FNDC3B: variants seen among roughly 807,000 people sequenced by gnomAD.
FNDC3B encodes the protein fibronectin type III domain containing 3B.
Under a neutral mutation model 151.5 loss-of-function variants are expected in FNDC3B, and 12 were observed. That is an observed-to-expected ratio of 0.08 (90% CI 0.05 to 0.13). The LOEUF is 0.13. Among genes scored for constraint, FNDC3B ranks in the 10% least tolerant of loss-of-function variants. FNDC3B has a pLI of 1.00. For synonymous variants in FNDC3B, 528 were observed against 549.0 expected, an observed-to-expected ratio of 0.96 and a Z score of 0.54; for missense variants, 1,214 against 1,505.3, an observed-to-expected ratio of 0.81 and a Z score of 3.20.
chr3:172,306,425 G>T (rs1731204686), intron 9 of FNDC3B, among the ~76,000 whole-genome samples: 1 of 152,194 alleles, frequency 6.6e-6, no homozygotes, highest in South Asian at 2.1e-4. Context: ...CTCAGAGAGG[G>T]TGGCTATAAG....
chr3:172,336,859 C>T (rs922802212), intron 15 of FNDC3B, among the ~76,000 whole-genome samples: 3 of 150,482 alleles, frequency 2.0e-5, no homozygotes, highest in African/African-American at 4.9e-5. Flanking sequence ...GCCGAGATGG[C>T]GCCATTGCAT....
intron 25 of FNDC3B, among the ~76,000 whole-genome samples, chr3:172,392,802 T>TTTTTTTC (rs1553800972): frequency 3.4e-4 from 16 of 46,918 alleles, no homozygotes; most frequent in Middle Eastern, 0.02. Context: ...TTTTTTCTTT[T>TTTTTTTC]TTTTTTTCTT....
At chr3:172,293,336 T>C (rs1008727940) in intron 7 of FNDC3B, among the ~76,000 whole-genome samples, 2 of 151,658 alleles carry the variant, frequency 1.3e-5, no homozygotes, top group Non-Finnish European at 2.9e-5. Context: ...GTTGGAGGGG[T>C]GGGGAAGAGG....
At chr3:172,183,746 G>A (rs1312529248) in intron 3 of FNDC3B, among the ~76,000 whole-genome samples, 1 of 152,172 alleles carries the variant, frequency 6.6e-6, no homozygotes, top group Non-Finnish European at 1.5e-5. Context: ...TAGGCGGGAT[G>A]TGTTTTCTTC....
At chr3:172,142,685 C>T (rs990465902) in intron 3 of FNDC3B, among the ~76,000 whole-genome samples, 38 of 152,266 alleles carry the variant, frequency 2.5e-4, no homozygotes, top group African/African-American at 8.9e-4. Flanking sequence ...GCTTAGTCAT[C>T]TTTGTATCCC....
At chr3:172,215,369 C>T (rs958351655) in intron 3 of FNDC3B, among the ~76,000 whole-genome samples, 22 of 152,130 alleles carry the variant, frequency 1.4e-4, no homozygotes, top group Non-Finnish European at 8.8e-5. Context: ...ATCTCTGTTC[C>T]CTTTCATAAC....
intron 12 of FNDC3B, 92 bp downstream of exon 12, chr3:172,329,168 T>A: frequency 7.1e-7 from 1 of 1,415,862 alleles, no homozygotes; most frequent in Non-Finnish European, 9.7e-7. Context: ...GGAAGCCTGC[T>A]GCCTCCACAC....
At chr3:172,363,811 G>C (rs1291221377) in intron 23 of FNDC3B, among the ~76,000 whole-genome samples, 3 of 152,198 alleles carry the variant, frequency 2.0e-5, no homozygotes, top group Non-Finnish European at 4.4e-5. Flanking sequence ...CTTCAGTGGA[G>C]ACCAAGATTA....
rs528576413 is a variant in FNDC3B at position 172,162,301 on chromosome 3, A to G, written c.187+28755A>G. Among the ~76,000 whole-genome samples, 118 of 152,250 alleles carry G rather than the reference A, an allele frequency of 7.8e-4. 1 individual carries two copies. Among genetic ancestry groups the G allele is most frequent in the Non-Finnish European group, 1.2e-4 (8 of 68,004 alleles). On this transcript the variant is annotated intron_variant, in intron 3 of 25. Coordinates refer to ENST00000415807, the MANE Select transcript of FNDC3B (RefSeq NM_022763.4). ...GCCTCTTAGCATAATTTTTAAGGGT[A>G]CTTGTAGCATGTGTCAGTTCTTCAT...
At chr3:172,085,745 A>G (rs1718521336) in intron 1 of FNDC3B, among the ~76,000 whole-genome samples, 1 of 152,174 alleles carries the variant, frequency 6.6e-6, no homozygotes, top group African/African-American at 2.4e-5. Flanking sequence ...AAGAGATAGC[A>G]ATTCAAAGGA....
At chr3:172,143,743 A>T (rs769782548) in intron 3 of FNDC3B, among the ~76,000 whole-genome samples, 1 of 151,760 alleles carries the variant, frequency 6.6e-6, no homozygotes, top group Non-Finnish European at 1.5e-5. Context: ...ACCTTGTCTC[A>T]ACTAAAAATA....
At chr3:172,125,213 T>C (rs1559977526) in intron 2 of FNDC3B, among the ~76,000 whole-genome samples, 1 of 152,218 alleles carries the variant, frequency 6.6e-6, no homozygotes, top group Non-Finnish European at 1.5e-5. Flanking sequence ...TGGCAGTGCC[T>C]CTGGCTCCCC....
intron 3 of FNDC3B, among the ~76,000 whole-genome samples, chr3:172,153,357 C>G (rs1476114855): frequency 6.6e-6 from 1 of 152,136 alleles, no homozygotes; most frequent in African/African-American, 2.4e-5. Context: ...CCTTTTTTTC[C>G]AAGCCGAGTG....
rs74652933 is a variant in FNDC3B, at chr3:172,130,527, G to A, written c.112-2944G>A. 2.2e-4 allele frequency among the ~76,000 whole-genome samples: 33 copies of A among 152,154 alleles called. No individual in the cohort carries two copies. The East Asian group carries it at 3.5e-3, about 16-fold the overall frequency. Reference sequence around the variant, plus strand: ...GTCAGGAATTGAACTCAGTAAGCAGGGGGGGAAGGTATAAGTGGACCTTAG... The same window carrying A: ...GTCAGGAATTGAACTCAGTAAGCAGAGGGGGAAGGTATAAGTGGACCTTAG... On this transcript the variant is annotated intron_variant, in intron 2 of 25. Coordinates refer to ENST00000415807, the MANE Select transcript of FNDC3B (RefSeq NM_022763.4).
At chr3:172,195,272 A>G (rs1278070072) in intron 3 of FNDC3B, among the ~76,000 whole-genome samples, 1 of 152,162 alleles carries the variant, frequency 6.6e-6, no homozygotes. Flanking sequence ...AATGTATAGA[A>G]GAGTATTTGA....
chr3:172,357,910 G>A (rs1401828424), intron 22 of FNDC3B, among the ~76,000 whole-genome samples: 1 of 152,144 alleles, frequency 6.6e-6, no homozygotes, highest in African/African-American at 2.4e-5. Context: ...TGATTTCAGG[G>A]CCAGATGCTG....
At position 172,209,395 on chromosome 3, in the gene FNDC3B, A is replaced by G. The variant is rs969786801; in HGVS notation, c.188-17476A>G. Among the ~76,000 whole-genome samples the G allele has an allele frequency of 2.0e-5, 3 of 152,092 alleles. No individual in the cohort carries two copies. In the East Asian group the frequency reaches 5.8e-4, roughly 29 times the overall value. On this transcript the variant is annotated intron_variant, in intron 3 of 25. Transcript: ENST00000415807. ...TTTTCTTCCACATCCAGGAAGAATG[A>G]AGTTACACGGGCAACTGGAGGGTGA...
intron 4 of FNDC3B, among the ~76,000 whole-genome samples, chr3:172,230,318 C>G (rs1726823072): frequency 6.7e-6 from 1 of 148,526 alleles, no homozygotes; most frequent in Non-Finnish European, 1.5e-5. Context: ...CATGATGAAA[C>G]CTTATCTTTA....
At chr3:172,306,697 C>T (rs1731216606) in intron 9 of FNDC3B, among the ~76,000 whole-genome samples, 1 of 152,190 alleles carries the variant, frequency 6.6e-6, no homozygotes, top group African/African-American at 2.4e-5. Context: ...AAATCAAGCA[C>T]ATATGTTGCA....
Sources: gnomAD v4.1 joint callset for allele counts (sites outside exome capture counted in the v4.1 genomes callset) on GRCh38, gnomAD v4.1.1 for gene constraint, MANE v1.5 for transcripts, NCBI Gene and HGNC (gene_info 2026-07-23, HGNC 2026-07-21) for gene names.